TMEM154: variants seen among roughly 807,000 people sequenced by gnomAD.
The protein encoded by TMEM154 is transmembrane protein 154.
Under a neutral mutation model 24.5 loss-of-function variants are expected in TMEM154, and 27 were observed. The observed-to-expected ratio is 1.10, with a 90% CI of 0.81 to 1.52. The LOEUF is 1.52. Among genes scored for constraint, TMEM154 ranks in the 40% most tolerant of loss-of-function variants. The probability of loss-of-function intolerance (pLI) is 0.00; values close to 1 mark genes in which losing one functional copy is unlikely to be tolerated. For missense variants in TMEM154, 228 were observed against 213.4 expected (o/e 1.07, Z -0.43); for synonymous variants, 67 against 76.8 (o/e 0.87, Z 0.67).
chr4:152,655,215 G>A lies in TMEM154; in HGVS notation c.65-2288C>T, dbSNP rs535358850. On this transcript the variant is annotated intron_variant, in intron 1 of 6. Transcript: ENST00000304385. ...TAGTAATAGACAACACTTAAAGCAC[G>A]GAAGGAGAGGGAAATAAGGCATCCT... is the stretch of plus-strand genomic sequence containing the variant. 1.1e-4 allele frequency among the ~76,000 whole-genome samples: 16 copies of A among 152,332 alleles called. No individual in the cohort carries two copies. The East Asian group carries it at 1.5e-3, about 15-fold the overall frequency.
chr4:152,679,674 T>G, intron 1 of TMEM154, 196 bp downstream of exon 1: 1 of 206,070 alleles, frequency 4.9e-6, no homozygotes, highest in Non-Finnish European at 8.5e-6. Flanking sequence ...GTAGCCAGTT[T>G]AGACAGCTGC....
chr4:152,679,784 C>T, intron 1 of TMEM154, 86 bp downstream of exon 1: 1 of 1,536,130 alleles, frequency 6.5e-7, no homozygotes, highest in South Asian at 1.2e-5. Flanking sequence ...TGGGTGTCAC[C>T]CTCCCCGGCA....
chr4:152,646,750 T>G (rs970803064), intron 3 of TMEM154: 1 of 573,788 alleles, frequency 1.7e-6, no homozygotes, highest in Non-Finnish European at 3.1e-6. Flanking sequence ...CATTCGATAG[T>G]GGGGTTGTCT....
chr4:152,671,548 C>A (rs377474414), intron 1 of TMEM154, among the ~76,000 whole-genome samples: 1 of 150,988 alleles, frequency 6.6e-6, no homozygotes, highest in African/African-American at 2.4e-5. Flanking sequence ...GAGATCGAGA[C>A]CATCCCGGCT....
chr4:152,623,048 C>G lies in TMEM154; in HGVS notation c.*5498G>C, dbSNP rs1465296636. 1 of 152,244 alleles carries G rather than the reference C, an allele frequency of 6.6e-6. No individual in the cohort carries two copies. Among genetic ancestry groups the G allele is most frequent in the Non-Finnish European group, 1.5e-5 (1 of 68,096 alleles). 9.4% of individuals were successfully genotyped at this position (152,244 alleles called of 1,614,324 possible). ...ATGGGGTTTCACCATGTTGGCCAGG[C>G]TGGTCTCAAACTCCCGAGCTCAGGC... is the stretch of plus-strand genomic sequence containing the variant. On this transcript the variant is annotated 3_prime_UTR_variant, in exon 7 of 7. Transcript: ENST00000304385.
At chr4:152,671,161 A>G (rs1461208039) in intron 1 of TMEM154, among the ~76,000 whole-genome samples, 2 of 151,850 alleles carry the variant, frequency 1.3e-5, no homozygotes, top group Non-Finnish European at 2.9e-5. Flanking sequence ...CAGCATACAG[A>G]AAGACTCAGT....
At chr4:152,664,163 G>T (rs4289429) in intron 1 of TMEM154, among the ~76,000 whole-genome samples, 64,908 of 151,952 alleles carry the variant, frequency 0.43, 13,874 homozygotes, top group Admixed American at 0.51. Context: ...AGAAAATGTG[G>T]TACATATACA....
rs1728511415 is a variant in TMEM154 at position 152,657,368 on chromosome 4, G to C, written c.65-4441C>G. On this transcript the variant is annotated intron_variant, in intron 1 of 6. Coordinates refer to ENST00000304385, the MANE Select transcript of TMEM154 (RefSeq NM_152680.3). ...ATCTCTACTAAAAATACAAAAATTAGCTGGGTGTGGTGGCATGCTCCTGAA... is the reference window on the plus strand; with the variant it reads ...ATCTCTACTAAAAATACAAAAATTACCTGGGTGTGGTGGCATGCTCCTGAA... 2.0e-5 allele frequency among the ~76,000 whole-genome samples: 3 copies of C among 151,664 alleles called. No homozygotes were observed. The South Asian group carries it at 6.3e-4, about 32-fold the overall frequency.
intron 6 of TMEM154, 76 bp from the exon 7 acceptor site, chr4:152,628,637 T>C (rs1486663755): frequency 2.1e-5 from 26 of 1,215,898 alleles, no homozygotes; most frequent in Non-Finnish European, 2.7e-5. Flanking sequence ...TATATTTCTT[T>C]CTTTTTTTTT....
intron 3 of TMEM154, among the ~76,000 whole-genome samples, chr4:152,647,537 GT>G (rs1476179587): frequency 6.6e-6 from 1 of 152,048 alleles, no homozygotes; most frequent in Non-Finnish European, 1.5e-5. Flanking sequence ...AGTTTTCTCT[GT>G]TGTTTTTTTT....
intron 6 of TMEM154, among the ~76,000 whole-genome samples, chr4:152,637,347 G>C (rs372896291): frequency 1.3e-5 from 2 of 152,084 alleles, no homozygotes; most frequent in African/African-American, 2.4e-5. Flanking sequence ...GGAGTTCAAG[G>C]CCAGCCTGAC....
intron 6 of TMEM154, among the ~76,000 whole-genome samples, chr4:152,631,650 C>T (rs1026533777): frequency 9.9e-5 from 15 of 151,988 alleles, no homozygotes; most frequent in African/African-American, 3.1e-4. Flanking sequence ...AGGCTGGTCT[C>T]GAACTCCTGG....
At chr4:152,641,663 T>G (rs1211291419) in intron 5 of TMEM154, among the ~76,000 whole-genome samples, 2 of 103,608 alleles carry the variant, frequency 1.9e-5, no homozygotes, top group East Asian at 4.8e-4. Context: ...TCTTCTACCT[T>G]TTTTTTTTTT....
intron 5 of TMEM154, 76 bp downstream of exon 5, chr4:152,643,012 G>T: frequency 1.9e-6 from 2 of 1,072,772 alleles, no homozygotes; most frequent in South Asian, 1.3e-5. Flanking sequence ...AGGATTTATT[G>T]AGATATTTAT....
intron 6 of TMEM154, among the ~76,000 whole-genome samples, chr4:152,640,228 G>A (rs72956775): frequency 0.023 from 3,574 of 152,220 alleles, 141 homozygotes; most frequent in African/African-American, 0.076. Context: ...GTCCATGAGT[G>A]TTTGCTGCCA....
intron 6 of TMEM154, among the ~76,000 whole-genome samples, chr4:152,633,195 A>C (rs1275975430): frequency 6.6e-6 from 1 of 152,262 alleles, no homozygotes; most frequent in East Asian, 1.9e-4. Flanking sequence ...AGAGGAAAAG[A>C]AGCTCAAGCT....
intron 1 of TMEM154, chr4:152,666,459 C>T (rs1041377453): frequency 6.6e-6 from 1 of 152,006 alleles, no homozygotes; most frequent in African/African-American, 2.4e-5. Flanking sequence ...GACAACCCTC[C>T]ACAGAAGCCT....
intron 6 of TMEM154, among the ~76,000 whole-genome samples, chr4:152,636,334 C>A (rs1752148490): frequency 6.6e-6 from 1 of 152,220 alleles, no homozygotes; most frequent in Non-Finnish European, 1.5e-5. Context: ...TGACACTTTG[C>A]CCCTGGGCAG....
Position 152,622,954 on chromosome 4 carries a change from A to T in TMEM154, c.*5592T>A, listed in dbSNP as rs944550987. 1 of 152,220 alleles carries T rather than the reference A, an allele frequency of 6.6e-6. No homozygotes were observed. The highest frequency in any genetic ancestry group is 1.5e-5 in the Non-Finnish European group (1 of 68,052). The allele number at this position is 152,220 out of a possible 1,614,324, so 9.4% of individuals were successfully genotyped here. ...TGGGTTCAAGTGATTCTTGGGCCTC[A>T]GCCCCCCGAGTAGGTGGGATTACAG... On this transcript the variant is annotated 3_prime_UTR_variant, in exon 7 of 7. Coordinates refer to ENST00000304385, the MANE Select transcript of TMEM154 (RefSeq NM_152680.3).
Sources: allele counts gnomAD v4.1 joint callset (sites outside exome capture counted in the v4.1 genomes callset), GRCh38; gene constraint gnomAD v4.1.1; transcripts MANE v1.5; gene names NCBI Gene and HGNC (gene_info 2026-07-23, HGNC 2026-07-21).